KLHL1: variants seen among roughly 807,000 people sequenced by gnomAD.
KLHL1 encodes kelch like family member 1, also known as kelch-like protein 1.
In KLHL1, 47 loss-of-function variants were observed where a neutral mutation model predicts 77.7. The ratio of observed to expected loss-of-function variants is 0.60; its 90% confidence interval spans 0.48 to 0.77. The LOEUF (loss-of-function observed/expected upper bound fraction) is 0.77, where lower values mean the gene tolerates loss of function less well. Among genes scored for constraint, KLHL1 ranks in the 30% least tolerant of loss-of-function variants. KLHL1 has a pLI of 0.00. For synonymous variants in KLHL1, 360 were observed against 325.2 expected, an observed-to-expected ratio of 1.11 and a Z score of -1.15; for missense variants, 925 against 910.8, an observed-to-expected ratio of 1.02 and a Z score of -0.20.
At chr13:69,934,553 C>T (rs1333956439) in intron 4 of KLHL1, among the ~76,000 whole-genome samples, 2 of 151,930 alleles carry the variant, frequency 1.3e-5, no homozygotes, top group Non-Finnish European at 2.9e-5. Context: ...AGTCTGATAA[C>T]TCATCTTAAA....
chr13:69,959,982 C>T (rs1259943560), intron 3 of KLHL1, among the ~76,000 whole-genome samples: 7 of 151,862 alleles, frequency 4.6e-5, no homozygotes, highest in African/African-American at 1.7e-4. Context: ...GTCTTCTTTA[C>T]CTGTATAATT....
At chr13:69,815,164 A>C (rs1269644471) in intron 6 of KLHL1, among the ~76,000 whole-genome samples, 1 of 152,220 alleles carries the variant, frequency 6.6e-6, no homozygotes. Flanking sequence ...AAAGAACTAA[A>C]AACAGAATTA....
chr13:69,769,938 T>G (rs1459765709), intron 7 of KLHL1, among the ~76,000 whole-genome samples: 1 of 152,140 alleles, frequency 6.6e-6, no homozygotes, highest in Non-Finnish European at 1.5e-5. Context: ...GACATGCTCC[T>G]GTTTGCCAGA....
chr13:69,795,892 G>A (rs77532795), intron 7 of KLHL1, among the ~76,000 whole-genome samples: 1,920 of 152,294 alleles, frequency 0.013, 45 homozygotes, highest in African/African-American at 0.044. Context: ...CTTCCCCACA[G>A]ATTTTTCAAG....
chr13:70,043,068 A>G (rs1488702021), intron 1 of KLHL1, among the ~76,000 whole-genome samples: 4 of 152,060 alleles, frequency 2.6e-5, no homozygotes, highest in Non-Finnish European at 4.4e-5. Context: ...ACCACGCCCA[A>G]GTAATTTTGT....
intron 5 of KLHL1, among the ~76,000 whole-genome samples, chr13:69,860,907 T>G (rs2138151944): frequency 6.6e-6 from 1 of 152,046 alleles, no homozygotes; most frequent in East Asian, 1.9e-4. Flanking sequence ...AGAAGGAAAT[T>G]TGGCTAAGTA....
At chr13:69,937,826 C>T (rs966644769) in intron 4 of KLHL1, among the ~76,000 whole-genome samples, 1 of 152,068 alleles carries the variant, frequency 6.6e-6, no homozygotes, top group Non-Finnish European at 1.5e-5. Context: ...ATATAGATAG[C>T]AAATTAAAGT....
At chr13:69,939,340 CATATATATATAT>C (rs34074889) in intron 4 of KLHL1, among the ~76,000 whole-genome samples, 5,021 of 60,902 alleles carry the variant, frequency 0.082, 316 homozygotes, top group Non-Finnish European at 0.092. Flanking sequence ...CATATACATA[CATATATATATAT>C]ATATATATAT....
chr13:69,764,969 TG>T (rs758995119), intron 7 of KLHL1, among the ~76,000 whole-genome samples: 16 of 111,480 alleles, frequency 1.4e-4, no homozygotes, highest in Non-Finnish European at 1.6e-4. Flanking sequence ...TTTTTTTTTT[TG>T]AGACCAAGTC....
At chr13:69,711,982 A>AT (rs908820447) in intron 9 of KLHL1, among the ~76,000 whole-genome samples, 27 of 151,630 alleles carry the variant, frequency 1.8e-4, no homozygotes, top group Admixed American at 6.6e-4. Flanking sequence ...CCATCCAATC[A>AT]TTTTTTTTCC....
At chr13:69,717,561 G>T (rs1214325073) in intron 9 of KLHL1, among the ~76,000 whole-genome samples, 1 of 152,026 alleles carries the variant, frequency 6.6e-6, no homozygotes, top group Non-Finnish European at 1.5e-5. Flanking sequence ...AATTATTTAT[G>T]CCTCTATTCA....
intron 5 of KLHL1, among the ~76,000 whole-genome samples, chr13:69,860,761 AATAG>A (rs1422538995): frequency 6.6e-6 from 1 of 151,500 alleles, no homozygotes; most frequent in Admixed American, 6.6e-5. Flanking sequence ...GATGAACAAT[AATAG>A]ATAATAAAAA....
At chr13:69,882,080 G>A (rs1159425435) in intron 5 of KLHL1, among the ~76,000 whole-genome samples, 3 of 152,152 alleles carry the variant, frequency 2.0e-5, no homozygotes, top group Non-Finnish European at 2.9e-5. Flanking sequence ...GTGGCCATGA[G>A]TCAATAAGCG....
In KLHL1 at chr13:70,038,956, A is replaced by AATGACTACTAT. The variant is rs1178119793; in HGVS notation, c.498-63165_498-63155dup. Among the ~76,000 whole-genome samples the AATGACTACTAT allele has an allele frequency of 3.3e-5, 5 of 151,878 alleles. No individual in the cohort carries two copies. The South Asian group carries it at 8.3e-4, about 25-fold the overall frequency. On this transcript the variant is annotated intron_variant, in intron 1 of 10. Transcript: ENST00000377844. The stretch of plus-strand genomic sequence containing the variant: ...TTATGGTCTGAATTTCTATTTCCCT[A>AATGACTACTAT]ATGACTACTATTGTGGAAGCTCTTT...
intron 1 of KLHL1, among the ~76,000 whole-genome samples, chr13:70,064,196 A>G (rs1886955292): frequency 1.3e-5 from 2 of 152,174 alleles, no homozygotes; most frequent in African/African-American, 4.8e-5. Context: ...AGAAGAACAA[A>G]AACAAAAAAA....
At chr13:70,065,833 C>T (rs1886994658) in intron 1 of KLHL1, among the ~76,000 whole-genome samples, 1 of 151,550 alleles carries the variant, frequency 6.6e-6, no homozygotes, top group Admixed American at 6.6e-5. Flanking sequence ...AGATGGTAGT[C>T]AGAATTCCCA....
chr13:69,778,617 A>C (rs554228805), intron 7 of KLHL1, among the ~76,000 whole-genome samples: 12 of 152,074 alleles, frequency 7.9e-5, no homozygotes, highest in Non-Finnish European at 1.2e-4. Flanking sequence ...GTGGTATAAA[A>C]TTTTGCCTCT....
intron 3 of KLHL1, among the ~76,000 whole-genome samples, chr13:69,948,603 G>C (rs1883604787): frequency 6.6e-6 from 1 of 151,922 alleles, no homozygotes; most frequent in Non-Finnish European, 1.5e-5. Context: ...AAATATGTAT[G>C]AGTAGACTTA....
rs752292873 is a variant in KLHL1 at position 69,796,864 on chromosome 13, C to T, written c.1513G>A (p.Asp505Asn). 14 of 1,614,100 alleles carry T rather than the reference C, an allele frequency of 8.7e-6. No individual in the cohort carries two copies. The highest frequency in any genetic ancestry group is 2.5e-6 in the Non-Finnish European group (3 of 1,180,002). The change falls in exon 7 of 11, where the codon GAT (aspartate) becomes AAT (asparagine). Residue 505 changes from aspartate to asparagine, a missense_variant. Physicochemically the swap from Asp to Asn is conservative, Grantham distance 23. Coordinates refer to ENST00000377844, the MANE Select transcript of KLHL1 (RefSeq NM_020866.3). Reference sequence around the variant, plus strand: ...CCTCCAATTACAAAGAGTTTGTCATCAATAACAGCCACACCAAACTGCAGC... The same window carrying T: ...CCTCCAATTACAAAGAGTTTGTCATTAATAACAGCCACACCAAACTGCAGC... ...RRLQFGVAVI[D>N]DKLFVIGGRD...
Sources: allele counts gnomAD v4.1 joint callset (sites outside exome capture counted in the v4.1 genomes callset), GRCh38; gene constraint gnomAD v4.1.1; transcripts MANE v1.5; gene names NCBI Gene and HGNC (gene_info 2026-07-23, HGNC 2026-07-21).